The following LCP1 variants were observed in gnomAD, a reference collection of about 807,000 sequenced individuals.
The protein encoded by LCP1 is plastin-2.
A neutral mutation model predicts 72.0 loss-of-function variants in LCP1; 23 were observed. The ratio of observed to expected loss-of-function variants is 0.32; its 90% CI spans 0.23 to 0.45. LCP1 has a LOEUF of 0.45. Among genes scored for constraint, LCP1 ranks in the 20% least tolerant of loss-of-function variants. The probability of loss-of-function intolerance (pLI) is 1.00; values close to 1 mark genes in which losing one functional copy is unlikely to be tolerated. For missense variants in LCP1, 571 were observed against 748.3 expected, an observed-to-expected ratio of 0.76 and a Z score of 2.76; for synonymous variants, 245 against 275.4, an observed-to-expected ratio of 0.89 and a Z score of 1.09.
chr13:46,179,913 A>T (rs1461053287), intron 1 of LCP1, among the ~76,000 whole-genome samples: 1 of 152,208 alleles, frequency 6.6e-6, no homozygotes, highest in Non-Finnish European at 1.5e-5. Flanking sequence ...AAAACCTGCA[A>T]TGGTATCTCT....
intron 14 of LCP1, among the ~76,000 whole-genome samples, chr13:46,131,744 T>C (rs1232959368): frequency 6.6e-6 from 1 of 152,166 alleles, no homozygotes; most frequent in Non-Finnish European, 1.5e-5. Flanking sequence ...CTAAGTGAAT[T>C]AATACAGTAA....
At chr13:46,159,548 C>G in intron 2 of LCP1, 51 bp downstream of exon 2, 1 of 1,408,458 alleles carries the variant, frequency 7.1e-7, no homozygotes, top group East Asian at 2.3e-5. Flanking sequence ...TACCCTGAAG[C>G]TACTCAGTGA....
rs575170356 is a variant in LCP1 at position 46,135,094 on chromosome 13, G to A, written c.1503-844C>T. 2.3e-5 allele frequency among the ~76,000 whole-genome samples: 3 copies of A among 128,078 alleles called. No individual in the cohort carries two copies. The South Asian group carries it at 8.4e-4, about 36-fold the overall frequency. The allele number at this position is 128,078 out of a possible 152,430, so 84.0% of individuals were successfully genotyped here. On this transcript the variant is annotated intron_variant, in intron 13 of 15. Coordinates refer to ENST00000323076, the MANE Select transcript of LCP1 (RefSeq NM_002298.5). ...ACTGCACTCCAGCCTGGGCAACAGA[G>A]TGAGACTCTGTCTCAAAAAAAAAAA...
intron 13 of LCP1, 112 bp from the exon 14 acceptor site, chr13:46,134,362 G>GA: frequency 1.2e-6 from 1 of 843,344 alleles, no homozygotes; most frequent in Non-Finnish European, 1.9e-6. Context: ...AAGACAGTCT[G>GA]GACACCATTA....
chr13:46,168,733 T>C (rs2045890508), intron 1 of LCP1, among the ~76,000 whole-genome samples: 1 of 152,194 alleles, frequency 6.6e-6, no homozygotes, highest in South Asian at 2.1e-4. Flanking sequence ...AATAAGGAAA[T>C]CCTACAACCT....
chr13:46,133,345 C>T (rs2045644648), intron 14 of LCP1, among the ~76,000 whole-genome samples: 1 of 152,150 alleles, frequency 6.6e-6, no homozygotes, highest in Non-Finnish European at 1.5e-5. Context: ...GGGAATAAGC[C>T]AGGCATGGTG....
chr13:46,126,715 G>A lies in LCP1; in HGVS notation c.*876C>T, dbSNP rs1234098594. ...TGCCTGGAGAGGCAGAACCCTAAAG[G>A]ATGCTTAGTTATAGCTCCATGCTGC... On this transcript the variant is annotated 3_prime_UTR_variant, in exon 16 of 16. Coordinates refer to ENST00000323076, the MANE Select transcript of LCP1 (RefSeq NM_002298.5). The A allele has an allele frequency of 4.3e-6, 1 of 231,300 alleles. No individual in the cohort carries two copies. Among genetic ancestry groups the A allele is most frequent in the Non-Finnish European group, 8.6e-6 (1 of 116,954 alleles). 14.3% of individuals were successfully genotyped at this position (231,300 alleles called of 1,614,324 possible).
chr13:46,178,972 G>A (rs1364441072), intron 1 of LCP1, among the ~76,000 whole-genome samples: 1 of 152,184 alleles, frequency 6.6e-6, no homozygotes, highest in Non-Finnish European at 1.5e-5. Context: ...GTAACAAGGA[G>A]AAGTTGACTT....
At chr13:46,141,249 T>C (rs767508398) in intron 13 of LCP1, among the ~76,000 whole-genome samples, 4 of 151,090 alleles carry the variant, frequency 2.6e-5, no homozygotes, top group Non-Finnish European at 5.9e-5. Flanking sequence ...CTACTAAAAA[T>C]ACAAAAATTA....
chr13:46,141,405 C>CAAAAAAAAAAAA (rs762462829), intron 13 of LCP1, among the ~76,000 whole-genome samples: 8 of 52,292 alleles, frequency 1.5e-4, no homozygotes, highest in Admixed American at 2.4e-4. Flanking sequence ...GACTCTGTCT[C>CAAAAAAAAAAAA]AAAAAAAAAA....
intron 15 of LCP1, among the ~76,000 whole-genome samples, chr13:46,129,640 C>G (rs2045621912): frequency 6.6e-6 from 1 of 152,102 alleles, no homozygotes; most frequent in African/African-American, 2.4e-5. Flanking sequence ...CCCGAGAGCA[C>G]AGGTTCCCAC....
intron 13 of LCP1, among the ~76,000 whole-genome samples, chr13:46,137,924 C>T (rs1444814038): frequency 2.6e-5 from 4 of 152,202 alleles, no homozygotes; most frequent in Non-Finnish European, 4.4e-5. Context: ...ACTTGTTTTA[C>T]TTATTTATTA....
intron 7 of LCP1, 81 bp downstream of exon 7, chr13:46,152,699 C>A: frequency 1.4e-6 from 2 of 1,414,086 alleles, no homozygotes; most frequent in Non-Finnish European, 9.6e-7. Flanking sequence ...TTGAGAATTT[C>A]TGACATCTTC....
At position 46,158,942 on chromosome 13, in the gene LCP1, A is replaced by G; in HGVS notation, c.112T>C (p.Phe38Leu). The G allele has an allele frequency of 1.9e-6, 3 of 1,614,158 alleles. No homozygotes were observed. The South Asian group carries it at 3.3e-5, about 18-fold the overall frequency. Residue 38 changes from phenylalanine to leucine, a missense_variant, in exon 3 of 16, where the codon TTC becomes CTC. Coordinates refer to ENST00000323076, the MANE Select transcript of LCP1 (RefSeq NM_002298.5). ...GGCAAAGGCAAGCAAGCAGCCTTGAACAAGTCATTCAACTCATTGAAGCTG... is the reference window on the plus strand; with the variant it reads ...GGCAAAGGCAAGCAAGCAGCCTTGAGCAAGTCATTCAACTCATTGAAGCTG... Reference protein sequence around the residue: ...YISFNELNDLFKAACLPLPGY... With the variant: ...YISFNELNDLLKAACLPLPGY...
intron 1 of LCP1, among the ~76,000 whole-genome samples, chr13:46,174,354 G>A (rs148684538): frequency 1.4e-3 from 218 of 151,976 alleles, no homozygotes; most frequent in African/African-American, 3.5e-3. Flanking sequence ...CAATACCAAC[G>A]TACAATGGAA....
chr13:46,178,135 A>C (rs2045940513), intron 1 of LCP1, among the ~76,000 whole-genome samples: 1 of 152,196 alleles, frequency 6.6e-6, no homozygotes, highest in Non-Finnish European at 1.5e-5. Context: ...TTCAAATATG[A>C]AGAGGACACC....
intron 15 of LCP1, among the ~76,000 whole-genome samples, chr13:46,129,678 G>T (rs117220053): frequency 1.3e-5 from 2 of 152,090 alleles, no homozygotes; most frequent in Non-Finnish European, 1.5e-5. Flanking sequence ...AGAGAGAAGG[G>T]CTCTGTTGGG....
intron 6 of LCP1, chr13:46,153,176 T>G (rs943719569): frequency 8.1e-6 from 3 of 371,036 alleles, no homozygotes; most frequent in Non-Finnish European, 1.5e-5. Context: ...ACCAGCACCA[T>G]AAGTTGAAGG....
rs545233832 is a variant in LCP1 at position 46,154,111 on chromosome 13, A to G, written c.573+694T>C. On this transcript the variant is annotated intron_variant, in intron 6 of 15. Coordinates refer to ENST00000323076, the MANE Select transcript of LCP1 (RefSeq NM_002298.5). Reference sequence around the variant, plus strand: ...ATGATGAGTGAAAAATACTGTTTCTATATATGGTCAAGATTATGAGTAAAT... The same window carrying G: ...ATGATGAGTGAAAAATACTGTTTCTGTATATGGTCAAGATTATGAGTAAAT... Among the ~76,000 whole-genome samples the G allele has an allele frequency of 1.9e-3, 295 of 152,328 alleles. 1 individual carries two copies. Among genetic ancestry groups the G allele is most frequent in the African/African-American group, 6.6e-3 (274 of 41,578 alleles).
Sources: gnomAD v4.1 joint callset for allele counts (sites outside exome capture counted in the v4.1 genomes callset) on GRCh38, gnomAD v4.1.1 for gene constraint, MANE v1.5 for transcripts, NCBI Gene and HGNC (gene_info 2026-07-23, HGNC 2026-07-21) for gene names.